Variants in MARCHF1 observed in about 807,000 individuals in gnomAD.
The protein encoded by MARCHF1 is E3 ubiquitin-protein ligase MARCHF1.
In MARCHF1, 40 loss-of-function variants were observed where a neutral mutation model predicts 54.2. That is an observed-to-expected ratio of 0.74 (90% CI 0.57 to 0.96). The LOEUF (loss-of-function observed/expected upper bound fraction) is 0.96, where lower values mean the gene tolerates loss of function less well. Ranked by LOEUF, MARCHF1 falls within the 40% of genes least tolerant of loss-of-function variation. The pLI, the probability that MARCHF1 is intolerant of heterozygous loss-of-function variation, is 0.00. For synonymous variants in MARCHF1, 236 were observed against 236.3 expected, an observed-to-expected ratio of 1.00 and a Z score of 0.01; for missense variants, 586 against 656.5, an observed-to-expected ratio of 0.89 and a Z score of 1.17.
intron 3 of MARCHF1, among the ~76,000 whole-genome samples, chr4:163,930,675 G>C (rs11933992): frequency 1.3e-5 from 2 of 152,092 alleles, no homozygotes; most frequent in Admixed American, 6.6e-5. Flanking sequence ...TTTTGCCTTA[G>C]ATAAATCACA....
At chr4:163,695,916 T>G (rs181236720) in intron 5 of MARCHF1, among the ~76,000 whole-genome samples, 1 of 152,052 alleles carries the variant, frequency 6.6e-6, no homozygotes, top group African/African-American at 2.4e-5. Context: ...TAACAAGCAC[T>G]AATATAAAAA....
chr4:164,044,680 C>T (rs1206086525), intron 2 of MARCHF1, among the ~76,000 whole-genome samples: 2 of 152,102 alleles, frequency 1.3e-5, no homozygotes, highest in Non-Finnish European at 2.9e-5. Flanking sequence ...CTATCTTTCT[C>T]TTTCTCAAGT....
At chr4:163,997,866 T>G (rs1487061951) in intron 2 of MARCHF1, among the ~76,000 whole-genome samples, 1 of 151,568 alleles carries the variant, frequency 6.6e-6, no homozygotes, top group African/African-American at 2.4e-5. Flanking sequence ...GTCTAGCTAT[T>G]GACTATTTGA....
rs3029712 is a variant in MARCHF1 at position 164,072,704 on chromosome 4, T to TAA, written c.-248+38882_-248+38883dup. Among the ~76,000 whole-genome samples the TAA allele has an allele frequency of 2.6e-4, 36 of 136,388 alleles. 1 individual carries two copies. The highest frequency in any genetic ancestry group is 1.1e-3 in the East Asian group (5 of 4,474). 89.5% of individuals were successfully genotyped at this position (136,388 alleles called of 152,430 possible). ...AAAACCCTTAAGAAATTTTCTCTAGTAAAAAAAAAAAAAAAAAAAAACTTC... is the reference window on the plus strand; with the variant it reads ...AAAACCCTTAAGAAATTTTCTCTAGTAAAAAAAAAAAAAAAAAAAAAAACTTC... On this transcript the variant is annotated intron_variant, in intron 2 of 9. Transcript: ENST00000514618.
chr4:164,076,245 T>TA (rs1419983890), intron 2 of MARCHF1, among the ~76,000 whole-genome samples: 6 of 151,480 alleles, frequency 4.0e-5, no homozygotes, highest in Admixed American at 2.6e-4. Context: ...GAACAAAAAA[T>TA]AAAAAATTAA....
intron 3 of MARCHF1, among the ~76,000 whole-genome samples, chr4:163,930,008 ATATAT>A (rs1751635881): frequency 7.4e-6 from 1 of 134,564 alleles, no homozygotes. Flanking sequence ...TTATATATAA[ATATAT>A]TATATATACT....
At chr4:164,287,644 C>T (rs953487930) in intron 1 of MARCHF1, among the ~76,000 whole-genome samples, 1 of 152,124 alleles carries the variant, frequency 6.6e-6, no homozygotes, top group Admixed American at 6.6e-5. Flanking sequence ...TCAGGAGGTG[C>T]AAAAGAAAAT....
chr4:164,148,876 C>T (rs567117585), intron 1 of MARCHF1, among the ~76,000 whole-genome samples: 22 of 152,186 alleles, frequency 1.4e-4, no homozygotes, highest in Non-Finnish European at 2.2e-4. Context: ...TCTCCTAACA[C>T]GATATTTAAT....
At chr4:163,761,234 T>C (rs2110825260) in intron 4 of MARCHF1, among the ~76,000 whole-genome samples, 1 of 152,354 alleles carries the variant, frequency 6.6e-6, no homozygotes, top group South Asian at 2.1e-4. Context: ...TTTGATGTTA[T>C]ACAATTGTGA....
intron 1 of MARCHF1, among the ~76,000 whole-genome samples, chr4:164,240,964 C>A (rs919468503): frequency 6.6e-6 from 1 of 152,164 alleles, no homozygotes; most frequent in African/African-American, 2.4e-5. Flanking sequence ...GCTTACTGCT[C>A]AGGAGTCATG....
intron 4 of MARCHF1, among the ~76,000 whole-genome samples, chr4:163,763,467 A>G (rs917658520): frequency 1.3e-5 from 2 of 152,064 alleles, no homozygotes; most frequent in African/African-American, 4.8e-5. Flanking sequence ...TTGAAATCTC[A>G]TGCAAAATTG....
intron 1 of MARCHF1, among the ~76,000 whole-genome samples, chr4:164,326,794 A>G (rs1017099219): frequency 6.6e-6 from 1 of 152,208 alleles, no homozygotes; most frequent in South Asian, 2.1e-4. Flanking sequence ...CTAAAAGTAT[A>G]GATTCTGGAG....
chr4:164,382,660 C>G (rs1158977236), intron 1 of MARCHF1, among the ~76,000 whole-genome samples: 1 of 152,122 alleles, frequency 6.6e-6, no homozygotes, highest in Non-Finnish European at 1.5e-5. Flanking sequence ...AACAGATGTT[C>G]TGATAGGTAC....
At chr4:164,147,883 A>G (rs961669991) in intron 1 of MARCHF1, among the ~76,000 whole-genome samples, 7 of 152,008 alleles carry the variant, frequency 4.6e-5, no homozygotes, top group Admixed American at 2.6e-4. Context: ...AAAAAATTAC[A>G]TATGTTATTC....
chr4:163,709,884 G>A (rs1251417348), intron 4 of MARCHF1, among the ~76,000 whole-genome samples: 2 of 152,154 alleles, frequency 1.3e-5, no homozygotes, highest in African/African-American at 4.8e-5. Flanking sequence ...CTTTGGACAA[G>A]TATATTTCAA....
chr4:164,213,402 T>G (rs1256492311), intron 1 of MARCHF1, among the ~76,000 whole-genome samples: 2 of 151,568 alleles, frequency 1.3e-5, no homozygotes, highest in African/African-American at 4.8e-5. Context: ...CCCGGCTAAA[T>G]TTTTGTATTT....
At chr4:164,210,242 A>G (rs1159940223) in intron 1 of MARCHF1, among the ~76,000 whole-genome samples, 1 of 152,196 alleles carries the variant, frequency 6.6e-6, no homozygotes, top group Non-Finnish European at 1.5e-5. Flanking sequence ...ATTTATCAGC[A>G]TCTGCGAAGA....
intron 7 of MARCHF1, among the ~76,000 whole-genome samples, chr4:163,605,902 G>C (rs969227512): frequency 6.6e-6 from 1 of 152,010 alleles, no homozygotes; most frequent in African/African-American, 2.4e-5. Flanking sequence ...ACTGGGGCCT[G>C]TTGCGGGTTG....
At chr4:164,321,116 A>G (rs1346462348) in intron 1 of MARCHF1, among the ~76,000 whole-genome samples, 6 of 152,202 alleles carry the variant, frequency 3.9e-5, no homozygotes, top group African/African-American at 1.2e-4. Flanking sequence ...GAGTATATCT[A>G]AAACAGTCCA....
Sources: allele counts gnomAD v4.1 joint callset (sites outside exome capture counted in the v4.1 genomes callset), GRCh38; gene constraint gnomAD v4.1.1; transcripts MANE v1.5; gene names NCBI Gene and HGNC (gene_info 2026-07-23, HGNC 2026-07-21).